Variants in DPP10 observed in about 807,000 individuals in gnomAD.
DPP10 encodes the protein dipeptidyl peptidase like 10.
In DPP10, 33 loss-of-function variants were observed where a neutral mutation model predicts 120.9. The ratio of observed to expected loss-of-function variants is 0.27; its 90% CI spans 0.21 to 0.37. The LOEUF (loss-of-function observed/expected upper bound fraction) is 0.37, where lower values mean the gene tolerates loss of function less well. DPP10 is among the 10% of genes least tolerant of loss of function. The probability of loss-of-function intolerance (pLI) is 1.00; values close to 1 mark genes in which losing one functional copy is unlikely to be tolerated. For synonymous variants in DPP10, 337 were observed against 326.1 expected, an observed-to-expected ratio of 1.03 and a Z score of -0.36; for missense variants, 816 against 942.8, an observed-to-expected ratio of 0.87 and a Z score of 1.76.
intron 3 of DPP10, among the ~76,000 whole-genome samples, chr2:115,432,030 C>T (rs933904361): frequency 2.0e-5 from 3 of 152,052 alleles, no homozygotes; most frequent in Non-Finnish European, 4.4e-5. Context: ...CATTAAACAT[C>T]GTAAGTTAAG....
chr2:114,757,256 G>C (rs568517334), intron 1 of DPP10, among the ~76,000 whole-genome samples: 10 of 132,896 alleles, frequency 7.5e-5, no homozygotes, highest in Non-Finnish European at 1.3e-4. Flanking sequence ...GAAAGAAAGG[G>C]AAGAGGGAGA....
At chr2:115,083,476 T>C (rs1406441346) in intron 1 of DPP10, among the ~76,000 whole-genome samples, 1 of 152,168 alleles carries the variant, frequency 6.6e-6, no homozygotes, top group Non-Finnish European at 1.5e-5. Context: ...CCCAGCAACC[T>C]ACTAGAGAAA....
At chr2:115,082,226 C>G (rs1243611753) in intron 1 of DPP10, among the ~76,000 whole-genome samples, 2 of 152,058 alleles carry the variant, frequency 1.3e-5, no homozygotes, top group Admixed American at 6.5e-5. Context: ...TAAATAAAAA[C>G]CTTCCTGCTA....
chr2:114,871,853 C>G (rs1178165254), intron 1 of DPP10, among the ~76,000 whole-genome samples: 1 of 152,154 alleles, frequency 6.6e-6, no homozygotes, highest in South Asian at 2.1e-4. Context: ...ACTTGCATTA[C>G]TGCCTGAGCT....
At chr2:115,023,730 A>G (rs564133515) in intron 1 of DPP10, among the ~76,000 whole-genome samples, 240 of 152,250 alleles carry the variant, frequency 1.6e-3, no homozygotes, top group African/African-American at 5.3e-3. Flanking sequence ...TGCAATTGCA[A>G]AAAAATATTA....
intron 1 of DPP10, among the ~76,000 whole-genome samples, chr2:114,565,401 TC>T (rs1359374522): frequency 6.6e-6 from 1 of 152,218 alleles, no homozygotes; most frequent in African/African-American, 2.4e-5. Context: ...ATCTGTTCTT[TC>T]TTTTTGTCCC....
intron 19 of DPP10, among the ~76,000 whole-genome samples, chr2:115,803,835 C>A (rs1308634194): frequency 3.9e-5 from 6 of 152,114 alleles, no homozygotes; most frequent in South Asian, 2.1e-4. Context: ...TGTGGGTAAC[C>A]CGACCTTTCT....
chr2:114,815,742 G>T (rs531425226), intron 1 of DPP10, among the ~76,000 whole-genome samples: 2 of 152,220 alleles, frequency 1.3e-5, no homozygotes, highest in South Asian at 4.1e-4. Context: ...GAGTTGTGTA[G>T]GCTGGTGCAC....
intron 1 of DPP10, among the ~76,000 whole-genome samples, chr2:114,636,950 C>T (rs12996109): frequency 0.16 from 23,998 of 151,762 alleles, 2,319 homozygotes; most frequent in African/African-American, 0.24. Context: ...CTTTTGCTAT[C>T]GCCACATACT....
At chr2:115,690,154 C>T in intron 7 of DPP10, among the ~76,000 whole-genome samples, 1 of 152,030 alleles carries the variant, frequency 6.6e-6, no homozygotes, top group Admixed American at 6.6e-5. Context: ...GATTAAACTG[C>T]TGGTTTATAA....
chr2:114,862,174 C>A (rs1379601821), intron 1 of DPP10, among the ~76,000 whole-genome samples: 6 of 151,942 alleles, frequency 3.9e-5, no homozygotes, highest in Non-Finnish European at 7.4e-5. Flanking sequence ...ACAGAGATTG[C>A]AAAGTCAGTC....
chr2:114,749,291 A>G (rs2106029343), intron 1 of DPP10, among the ~76,000 whole-genome samples: 1 of 151,824 alleles, frequency 6.6e-6, no homozygotes, highest in Non-Finnish European at 1.5e-5. Context: ...TTCATTGTAG[A>G]TTCTGGATAT....
chr2:115,164,364 A>G (rs372918550), intron 1 of DPP10, among the ~76,000 whole-genome samples: 3 of 151,920 alleles, frequency 2.0e-5, no homozygotes, highest in African/African-American at 7.3e-5. Context: ...TAATTCTGCA[A>G]TTGCCACACA....
intron 2 of DPP10, among the ~76,000 whole-genome samples, chr2:115,332,372 C>T (rs531882622): frequency 3.2e-4 from 49 of 152,202 alleles, no homozygotes; most frequent in Middle Eastern, 3.4e-3. Flanking sequence ...TTTCGAAAAA[C>T]CAGCTCCTGG....
Position 115,731,728 on chromosome 2 carries a change from C to A in DPP10, c.697+3792C>A, listed in dbSNP as rs1559085158. On this transcript the variant is annotated intron_variant, in intron 8 of 25. Coordinates refer to ENST00000410059, the MANE Select transcript of DPP10 (RefSeq NM_020868.6). ...CAAGACACAACACACGTTTTGGGAC[C>A]TAAATTGTCAGACTTCAGTGATCTG... Among the ~76,000 whole-genome samples, 4 of 152,090 alleles carry A rather than the reference C, an allele frequency of 2.6e-5. 1 individual carries two copies. The highest frequency in any genetic ancestry group is 7.2e-5 in the African/African-American group (3 of 41,396).
chr2:115,088,704 C>T (rs759525276), intron 1 of DPP10, among the ~76,000 whole-genome samples: 12 of 125,048 alleles, frequency 9.6e-5, no homozygotes, highest in Non-Finnish European at 1.4e-4. Flanking sequence ...CCTTGGCCTC[C>T]CAAAGTGCCG....
Position 115,122,505 on chromosome 2 carries a change from A to G in DPP10, c.61-186734A>G, listed in dbSNP as rs575416850. Among the ~76,000 whole-genome samples the G allele has an allele frequency of 4.5e-4, 68 of 152,362 alleles. 1 individual carries two copies. Among genetic ancestry groups the G allele is most frequent in the African/African-American group, 1.0e-3 (42 of 41,592 alleles). On this transcript the variant is annotated intron_variant, in intron 1 of 25. Coordinates refer to ENST00000410059, the MANE Select transcript of DPP10 (RefSeq NM_020868.6). ...CAAGACCTTACAGTGACTCTTGTTCAGAGCATTCTAGAAGTTACAAGAGCT... is the reference window on the plus strand; with the variant it reads ...CAAGACCTTACAGTGACTCTTGTTCGGAGCATTCTAGAAGTTACAAGAGCT...
At chr2:114,767,762 A>G (rs2106133954) in intron 1 of DPP10, among the ~76,000 whole-genome samples, 1 of 152,284 alleles carries the variant, frequency 6.6e-6, no homozygotes. Context: ...GAGAACCATT[A>G]ATTTAGCTTG....
intron 1 of DPP10, among the ~76,000 whole-genome samples, chr2:114,792,693 G>A (rs1274156714): frequency 6.6e-6 from 1 of 152,104 alleles, no homozygotes; most frequent in Non-Finnish European, 1.5e-5. Context: ...GGGTGGCAGG[G>A]GTGCCTATGT....
Sources: allele counts gnomAD v4.1 joint callset (sites outside exome capture counted in the v4.1 genomes callset), GRCh38; gene constraint gnomAD v4.1.1; transcripts MANE v1.5; gene names NCBI Gene and HGNC (gene_info 2026-07-23, HGNC 2026-07-21).